LRP1B: variants seen among roughly 807,000 people sequenced by gnomAD.
The protein encoded by LRP1B is LDL receptor related protein 1B, also known as low-density lipoprotein receptor-related protein 1B.
In LRP1B, 217 loss-of-function variants were observed where a neutral mutation model predicts 556.6. The ratio of observed to expected loss-of-function variants is 0.39; its 90% CI spans 0.35 to 0.44. The LOEUF is 0.44. LRP1B is among the 20% of genes least tolerant of loss of function. LRP1B has a pLI of 1.00. For missense variants in LRP1B, 5,053 were observed against 5,620.8 expected (o/e 0.90, Z 3.23); for synonymous variants, 2,047 against 1,865.8 (o/e 1.10, Z -2.50).
Position 141,182,449 on chromosome 2 carries a change from T to A in LRP1B, c.1013+5972A>T, listed in dbSNP as rs576642300. The stretch of plus-strand genomic sequence containing the variant: ...ACAGGTGAATGCTGAGGTCAGCTAA[T>A]CTGAGTACTGCTTCTGTGTGAGAAC... On this transcript the variant is annotated intron_variant, in intron 7 of 90. Transcript: ENST00000389484. 5.3e-5 allele frequency among the ~76,000 whole-genome samples: 8 copies of A among 152,144 alleles called. 1 individual carries two copies. In the South Asian group the frequency reaches 1.7e-3, roughly 31 times the overall value.
Position 140,385,988 on chromosome 2 carries a change from T to C in LRP1B, c.10436A>G (p.His3479Arg), listed in dbSNP as rs780006737. The change falls in exon 67 of 91, where the codon CAT (histidine) becomes CGT (arginine). Residue 3479 changes from histidine to arginine, a missense_variant. Around this residue, in one of 5 missense-constraint regions of LRP1B, gnomAD observed 262 missense variants for 395.1 expected, o/e 0.66. Coordinates refer to ENST00000389484, the MANE Select transcript of LRP1B (RefSeq NM_018557.3). ...GTTGTTGTTTTTACACTGGAATTCA[T>C]GAGGTCCACAAGTCTTTTTATCTGT... ...ANCDKKTCGP[H>R]EFQCKNNNCI... The C allele has an allele frequency of 6.2e-7, 1 of 1,612,312 alleles. No individual in the cohort carries two copies. The highest frequency in any genetic ancestry group is 8.5e-7 in the Non-Finnish European group (1 of 1,178,564).
At chr2:141,829,406 A>G (rs1697039300) in intron 1 of LRP1B, among the ~76,000 whole-genome samples, 1 of 152,128 alleles carries the variant, frequency 6.6e-6, no homozygotes, top group Non-Finnish European at 1.5e-5. Flanking sequence ...TTTCCAAAAA[A>G]AAATTCTGCT....
At chr2:141,683,140 G>T (rs140811766) in intron 2 of LRP1B, among the ~76,000 whole-genome samples, 15 of 152,252 alleles carry the variant, frequency 9.9e-5, no homozygotes, top group African/African-American at 2.4e-4. Context: ...ACCTAATACA[G>T]ATTTTGGTAC....
intron 3 of LRP1B, among the ~76,000 whole-genome samples, chr2:141,287,900 T>C (rs1237378904): frequency 3.3e-5 from 5 of 152,214 alleles, no homozygotes; most frequent in African/African-American, 9.6e-5. Context: ...TTTCTACCTT[T>C]AATTCTTCCT....
chr2:140,648,081 C>T (rs1488298412), intron 41 of LRP1B, among the ~76,000 whole-genome samples: 1 of 152,144 alleles, frequency 6.6e-6, no homozygotes, highest in Non-Finnish European at 1.5e-5. Context: ...AAATGTGGCA[C>T]ATATATACCA....
chr2:141,026,846 T>A (rs1002666727), intron 11 of LRP1B, among the ~76,000 whole-genome samples: 10 of 151,970 alleles, frequency 6.6e-5, no homozygotes, highest in African/African-American at 2.4e-4. Context: ...ATGCTAGGAA[T>A]AAAAGAAGCT....
chr2:140,364,294 A>G (rs1682651706), intron 72 of LRP1B, among the ~76,000 whole-genome samples: 1 of 151,440 alleles, frequency 6.6e-6, no homozygotes, highest in African/African-American at 2.4e-5. Context: ...TATATTTTTA[A>G]TTTGCTTATC....
chr2:141,646,917 C>T (rs1689587945), intron 2 of LRP1B, among the ~76,000 whole-genome samples: 1 of 152,074 alleles, frequency 6.6e-6, no homozygotes, highest in Non-Finnish European at 1.5e-5. Flanking sequence ...TCCAGCTTTG[C>T]CAGGATGGTA....
chr2:140,319,479 A>G (rs1679972996), intron 82 of LRP1B, among the ~76,000 whole-genome samples: 1 of 152,126 alleles, frequency 6.6e-6, no homozygotes, highest in Non-Finnish European at 1.5e-5. Flanking sequence ...GTCGACAGTT[A>G]AAGGATCTGT....
At chr2:141,516,961 T>G (rs1404691131) in intron 2 of LRP1B, among the ~76,000 whole-genome samples, 1 of 134,164 alleles carries the variant, frequency 7.5e-6, no homozygotes, top group African/African-American at 2.8e-5. Context: ...TCTCCCAAAT[T>G]GCTGGGATTA....
At chr2:140,597,183 A>G (rs537205450) in intron 43 of LRP1B, among the ~76,000 whole-genome samples, 157 of 152,304 alleles carry the variant, frequency 1.0e-3, no homozygotes, top group Non-Finnish European at 1.9e-3. Context: ...TCGGGGCCCA[A>G]TCAGAAATCA....
chr2:140,916,002 C>T (rs956090132), intron 21 of LRP1B, among the ~76,000 whole-genome samples: 47 of 151,606 alleles, frequency 3.1e-4, no homozygotes, highest in African/African-American at 1.1e-3. Context: ...CACTCCAGCC[C>T]GGGTGACAGA....
intron 11 of LRP1B, among the ~76,000 whole-genome samples, chr2:141,020,434 G>C (rs937401404): frequency 1.3e-5 from 2 of 152,008 alleles, no homozygotes; most frequent in Non-Finnish European, 1.5e-5. Flanking sequence ...CAAGTGATAG[G>C]AGCGAAAAAG....
intron 7 of LRP1B, among the ~76,000 whole-genome samples, chr2:141,162,253 C>T (rs1045692458): frequency 6.6e-6 from 1 of 152,026 alleles, no homozygotes; most frequent in African/African-American, 2.4e-5. Context: ...TGTGTCATTG[C>T]AGAGCAGGAA....
At chr2:141,968,267 G>A (rs950349706) in intron 1 of LRP1B, among the ~76,000 whole-genome samples, 2 of 151,690 alleles carry the variant, frequency 1.3e-5, no homozygotes, top group Admixed American at 1.3e-4. Context: ...TCTTTCTCTT[G>A]GTGATAAATG....
In LRP1B at chr2:141,092,764, T is replaced by A. The variant is rs189959712; in HGVS notation, c.1014-30491A>T. Among the ~76,000 whole-genome samples, 178 of 151,932 alleles carry A rather than the reference T, an allele frequency of 1.2e-3. 1 individual carries two copies. Among genetic ancestry groups the A allele is most frequent in the African/African-American group, 3.9e-3 (161 of 41,430 alleles). Reference sequence around the variant, plus strand: ...GAAGTGTTTCAAGGAGGAGAGAGAGTGATCAACTGTGACAAATGTTCATGA... The same window carrying A: ...GAAGTGTTTCAAGGAGGAGAGAGAGAGATCAACTGTGACAAATGTTCATGA... On this transcript the variant is annotated intron_variant, in intron 7 of 90. Coordinates refer to ENST00000389484, the MANE Select transcript of LRP1B (RefSeq NM_018557.3).
chr2:142,101,176 T>TG (rs900981280), intron 1 of LRP1B, among the ~76,000 whole-genome samples: 4 of 151,982 alleles, frequency 2.6e-5, no homozygotes, highest in Non-Finnish European at 1.5e-5. Context: ...TCTCAAACAG[T>TG]GGTGATTGCT....
chr2:142,130,844 CA>C lies in LRP1B; in HGVS notation c.-116del. On this transcript the variant is annotated 5_prime_UTR_variant, in exon 1 of 91. Transcript: ENST00000389484. ...GCCTGGAATCGAGCGGCGTCATTTA[CA>C]AATGTCACTGGAAATTCTTCAGCTC... 1 of 797,302 alleles carries C rather than the reference CA, an allele frequency of 1.3e-6. No homozygotes were observed. The allele number at this position is 797,302 out of a possible 1,614,324, so 49.4% of individuals were successfully genotyped here.
intron 33 of LRP1B, 59 bp downstream of exon 33, chr2:140,776,039 T>C (rs1054841110): frequency 6.8e-6 from 9 of 1,326,864 alleles, no homozygotes; most frequent in African/African-American, 1.6e-5. Context: ...GAGGAGCTAA[T>C]ATAAAAAAGA....
Sources: gnomAD v4.1 joint callset for allele counts (sites outside exome capture counted in the v4.1 genomes callset) on GRCh38, gnomAD v4.1.1 for gene constraint, gnomAD v4.1.1 regional missense constraint, MANE v1.5 for transcripts, NCBI Gene and HGNC (gene_info 2026-07-23, HGNC 2026-07-21) for gene names.